The following NTSR1 variants were observed in gnomAD, a reference collection of about 807,000 sequenced individuals.
NTSR1 encodes the protein neurotensin receptor 1.
In NTSR1, 29 loss-of-function variants were observed where a neutral mutation model predicts 31.2. The observed-to-expected ratio is 0.93, with a 90% confidence interval of 0.69 to 1.27. The LOEUF (loss-of-function observed/expected upper bound fraction) is 1.27, where lower values mean the gene tolerates loss of function less well. NTSR1 is among the 50% of genes most tolerant of loss of function. The pLI is 0.00. For missense variants in NTSR1, 697 were observed against 595.4 expected, an observed-to-expected ratio of 1.17 and a Z score of -1.78; for synonymous variants, 282 against 269.9, an observed-to-expected ratio of 1.04 and a Z score of -0.44.
rs1027306706 is a variant in NTSR1 at position 62,757,417 on chromosome 20, C to T, written c.917-849C>T. On this transcript the variant is annotated intron_variant, in intron 2 of 3. Transcript: ENST00000370501. The stretch of plus-strand genomic sequence containing the variant: ...ATTTCTAGTCTATTCCCTTGGTCTA[C>T]GTGTCTATCTTTATGCCAGCACCAC... 3.3e-5 allele frequency among the ~76,000 whole-genome samples: 5 copies of T among 152,174 alleles called. No individual in the cohort carries two copies. In the South Asian group the frequency reaches 8.3e-4, roughly 25 times the overall value.
intron 1 of NTSR1, among the ~76,000 whole-genome samples, chr20:62,726,234 C>T (rs920953423): frequency 2.6e-5 from 4 of 152,312 alleles, no homozygotes; most frequent in African/African-American, 9.6e-5. Flanking sequence ...TGCAGAAACC[C>T]AGTTAAAACC....
chr20:62,761,631 T>G lies in NTSR1; in HGVS notation c.*1364T>G, dbSNP rs959661191. On this transcript the variant is annotated 3_prime_UTR_variant, in exon 4 of 4. Transcript: ENST00000370501. Reference sequence around the variant, plus strand: ...GGATTTCCCTGTCTCAGAGCAGCCTTTGCCCCAGGGAAATGGGCTCTGGGC... The same window carrying G: ...GGATTTCCCTGTCTCAGAGCAGCCTGTGCCCCAGGGAAATGGGCTCTGGGC... The G allele has an allele frequency of 7.2e-5, 11 of 152,224 alleles. No individual in the cohort carries two copies. Among genetic ancestry groups the G allele is most frequent in the African/African-American group, 2.7e-4 (11 of 41,440 alleles). 9.4% of individuals were successfully genotyped at this position (152,224 alleles called of 1,614,324 possible). A position where few individuals can be genotyped will look rare whatever the true frequency, so the allele number is the denominator to read the frequency against.
At position 62,711,199 on chromosome 20, in the gene NTSR1, T is replaced by G. The variant is rs546159057; in HGVS notation, c.714+1278T>G. ...CAGTCTCCCTGGCTGCACATAGAAC[T>G]GGTGGCTACAGGTGTCCCATCTCGG... On this transcript the variant is annotated intron_variant, in intron 1 of 3. Coordinates refer to ENST00000370501, the MANE Select transcript of NTSR1 (RefSeq NM_002531.3). The surrounding 1 kb of genome is among the most constrained non-coding windows in gnomAD (Gnocchi z 6.4). Among the ~76,000 whole-genome samples the G allele has an allele frequency of 4.9e-4, 75 of 152,118 alleles. No individual in the cohort carries two copies. Among genetic ancestry groups the G allele is most frequent in the Admixed American group, 1.6e-3 (24 of 15,292 alleles).
Position 62,760,245 on chromosome 20 carries a change from C to T in NTSR1, c.1235C>T (p.Ala412Val), listed in dbSNP as rs1268568077. 6.2e-7 allele frequency: 1 copy of T among 1,612,492 alleles called. No individual in the cohort carries two copies. The highest frequency in any genetic ancestry group is 2.2e-5 in the East Asian group (1 of 44,848). ...AGCAACCACACCCTCTCCAGCAATG[C>T]CACCCGCGAGACGCTGTACTAGGCT... ...VSSNHTLSSN[A>V]TRETLY The change falls in exon 4 of 4, where the codon GCC becomes GTC. Residue 412 changes from alanine (A) to valine (V), a missense_variant. Transcript: ENST00000370501.
chr20:62,725,574 G>A (rs1336970469), intron 1 of NTSR1, among the ~76,000 whole-genome samples: 2 of 152,154 alleles, frequency 1.3e-5, no homozygotes, highest in African/African-American at 2.4e-5. Context: ...CCACCCAACC[G>A]GCCACCCCAT....
In NTSR1 at chr20:62,745,736, T is replaced by C. The variant is rs900626630; in HGVS notation, c.715-8949T>C. 6.6e-6 allele frequency among the ~76,000 whole-genome samples: 1 copy of C among 152,234 alleles called. No homozygotes were observed. The highest frequency in any genetic ancestry group is 2.4e-5 in the African/African-American group (1 of 41,470). On this transcript the variant is annotated intron_variant, in intron 1 of 3. Transcript: ENST00000370501. This position sits in a 1 kb window ranked among gnomAD's most constrained non-coding sequence, Gnocchi z 4.1. The stretch of plus-strand genomic sequence containing the variant: ...GGACCTCGCTGGGACTGGATGGCCT[T>C]CTCTACAGCTGCTGAACAGCCTCGC...
rs1011022633 is a variant in NTSR1, at chr20:62,744,170, GC to G, written c.715-10509del. ...CCAGCCTCCCAAGCCGCAGTCCTGT[GC>G]CCCCCAATTTGCTTCCTTTCCCACA... On this transcript the variant is annotated intron_variant, in intron 1 of 3. Transcript: ENST00000370501. The surrounding 1 kb of genome is among the most constrained non-coding windows in gnomAD (Gnocchi z 4.1). 6.6e-6 allele frequency among the ~76,000 whole-genome samples: 1 copy of G among 152,128 alleles called. No homozygotes were observed. Among genetic ancestry groups the G allele is most frequent in the African/African-American group, 2.4e-5 (1 of 41,416 alleles).
chr20:62,718,081 A>G (rs1988764826), intron 1 of NTSR1, among the ~76,000 whole-genome samples: 1 of 152,180 alleles, frequency 6.6e-6, no homozygotes. Context: ...CTGGAGGAAC[A>G]GCGCTGGCCT....
chr20:62,709,528 C>A lies in NTSR1; in HGVS notation c.321C>A (p.Ser107Arg). Reference sequence around the variant, plus strand: ...GCACGGTGCATTACCACCTGGGCAGCCTGGCGCTGTCCGACCTGCTCACCC... The same window carrying A: ...GCACGGTGCATTACCACCTGGGCAGACTGGCGCTGTCCGACCTGCTCACCC... Reference protein sequence around the residue: ...LQSTVHYHLGSLALSDLLTLL... With the variant: ...LQSTVHYHLGRLALSDLLTLL... The change falls in exon 1 of 4, where the codon AGC (serine) becomes AGA (arginine). Residue 107 changes from serine to arginine, a missense_variant. Physicochemically the swap from Ser to Arg is moderately radical, Grantham distance 110. Transcript: ENST00000370501. The A allele has an allele frequency of 6.2e-7, 1 of 1,612,366 alleles. No individual in the cohort carries two copies. The highest frequency in any genetic ancestry group is 1.1e-5 in the South Asian group (1 of 91,086).
In NTSR1 at chr20:62,745,927, G is replaced by T. The variant is rs1359368785; in HGVS notation, c.715-8758G>T. Among the ~76,000 whole-genome samples the T allele has an allele frequency of 6.6e-6, 1 of 152,238 alleles. No individual in the cohort carries two copies. The highest frequency in any genetic ancestry group is 1.5e-5 in the Non-Finnish European group (1 of 68,046). ...TAGAGACAAATCGAAAGGCGCCAGGGTGCTGTGGCATCAGTGGCGCTGAGG... is the reference window on the plus strand; with the variant it reads ...TAGAGACAAATCGAAAGGCGCCAGGTTGCTGTGGCATCAGTGGCGCTGAGG... On this transcript the variant is annotated intron_variant, in intron 1 of 3. Coordinates refer to ENST00000370501, the MANE Select transcript of NTSR1 (RefSeq NM_002531.3). The surrounding 1 kb of genome is among the most constrained non-coding windows in gnomAD (Gnocchi z 4.1).
intron 1 of NTSR1, among the ~76,000 whole-genome samples, chr20:62,712,620 C>A (rs1280362962): frequency 6.6e-6 from 1 of 152,220 alleles, no homozygotes; most frequent in Non-Finnish European, 1.5e-5. Flanking sequence ...CCAGGACCCT[C>A]CCAAAGGCCC....
Position 62,731,166 on chromosome 20 carries a change from C to A in NTSR1, c.714+21245C>A, listed in dbSNP as rs181528311. 7.2e-3 allele frequency among the ~76,000 whole-genome samples: 1,092 copies of A among 152,242 alleles called. 9 individuals are homozygous for A. The highest frequency in any genetic ancestry group is 0.025 in the African/African-American group (1,040 of 41,516). On this transcript the variant is annotated intron_variant, in intron 1 of 3. Coordinates refer to ENST00000370501, the MANE Select transcript of NTSR1 (RefSeq NM_002531.3). The stretch of plus-strand genomic sequence containing the variant: ...ATGGCACAATCTCGGCTCACCACAA[C>A]CTCCGCCTCCCGGGTTCAAGTGATT...
At chr20:62,752,595 C>G (rs1989413021) in intron 1 of NTSR1, among the ~76,000 whole-genome samples, 1 of 152,262 alleles carries the variant, frequency 6.6e-6, no homozygotes, top group African/African-American at 2.4e-5. Context: ...GGGGCCAGAC[C>G]CTACAACCCA....
intron 3 of NTSR1, among the ~76,000 whole-genome samples, 184 bp from the exon 4 acceptor site, chr20:62,759,834 G>A (rs1172000063): frequency 2.6e-5 from 4 of 151,466 alleles, no homozygotes; most frequent in African/African-American, 9.7e-5. Context: ...AGAACTTGCA[G>A]CTGCTCAGGA....
rs529816076 is a variant in NTSR1 at position 62,758,472 on chromosome 20, C to T, written c.1007+116C>T. ...ACTCAGGGCAGGGGTGTGGTGAGTC[C>T]CCCGGCGACCCCCTGGGCAGGGTTG... On this transcript the variant is annotated intron_variant, in intron 3 of 3. Transcript: ENST00000370501. The surrounding 1 kb of genome is among the most constrained non-coding windows in gnomAD (Gnocchi z 4.5). 1.3e-4 allele frequency: 117 copies of T among 869,190 alleles called. 1 individual carries two copies. The Middle Eastern group carries it at 1.5e-3, about 11-fold the overall frequency. The allele number at this position is 869,190 out of a possible 1,614,324, so 53.8% of individuals were successfully genotyped here.
chr20:62,726,863 A>T (rs1398496387), intron 1 of NTSR1, among the ~76,000 whole-genome samples: 1 of 152,114 alleles, frequency 6.6e-6, no homozygotes, highest in East Asian at 1.9e-4. Flanking sequence ...TGCTCACAGG[A>T]CGGGCACTTC....
intron 1 of NTSR1, among the ~76,000 whole-genome samples, chr20:62,728,107 T>G (rs1431122176): frequency 3.4e-4 from 10 of 29,544 alleles, no homozygotes. Context: ...AGGACGAGCC[T>G]TGTGGATGAG....
chr20:62,752,428 C>T (rs534433041), intron 1 of NTSR1, among the ~76,000 whole-genome samples: 2 of 142,178 alleles, frequency 1.4e-5, no homozygotes, highest in East Asian at 2.5e-4. Flanking sequence ...CAATCCTACT[C>T]GGCTTCAGTC....
At position 62,714,080 on chromosome 20, in the gene NTSR1, AC is replaced by A. The variant is rs1342698391; in HGVS notation, c.714+4160del. Reference sequence around the variant, plus strand: ...ACACCACTGCACTCCAGCCTGGGTGACAACTGTCTCAAAGAAAAAAAAAGTT... The same window carrying A: ...ACACCACTGCACTCCAGCCTGGGTGAAACTGTCTCAAAGAAAAAAAAAGTT... On this transcript the variant is annotated intron_variant, in intron 1 of 3. Transcript: ENST00000370501. The surrounding 1 kb of genome is among the most constrained non-coding windows in gnomAD (Gnocchi z 4.1). Among the ~76,000 whole-genome samples, 1 of 152,198 alleles carries A rather than the reference AC, an allele frequency of 6.6e-6. No individual in the cohort carries two copies.
Sources: gnomAD v4.1 joint callset for allele counts (sites outside exome capture counted in the v4.1 genomes callset) on GRCh38, gnomAD v4.1.1 for gene constraint, Gnocchi (gnomAD v3.1) non-coding constraint, MANE v1.5 for transcripts, NCBI Gene and HGNC (gene_info 2026-07-23, HGNC 2026-07-21) for gene names.